The following PARD3B variants were observed in gnomAD, a reference collection of about 807,000 sequenced individuals.
PARD3B encodes the protein partitioning defective 3 homolog B.
Under a neutral mutation model 130.2 loss-of-function variants are expected in PARD3B, and 103 were observed. That is an observed-to-expected ratio of 0.79 (90% CI 0.67 to 0.93). The LOEUF (loss-of-function observed/expected upper bound fraction) is 0.93, where lower values mean the gene tolerates loss of function less well. PARD3B is among the 40% of genes least tolerant of loss of function. The probability of loss-of-function intolerance (pLI) is 0.00; values close to 1 mark genes in which losing one functional copy is unlikely to be tolerated. For synonymous variants in PARD3B, 583 were observed against 553.2 expected (o/e 1.05, Z -0.76); for missense variants, 1,609 against 1,499.2 (o/e 1.07, Z -1.21).
intron 10 of PARD3B, among the ~76,000 whole-genome samples, chr2:205,133,737 A>C (rs1032593674): frequency 5.3e-5 from 8 of 152,192 alleles, no homozygotes; most frequent in Non-Finnish European, 1.2e-4. Context: ...GCCAGTGCTG[A>C]GTGCAATGCA....
In PARD3B at chr2:204,610,492, A is replaced by G. The variant is rs1055626630; in HGVS notation, c.120+64373A>G. On this transcript the variant is annotated intron_variant, in intron 1 of 22. Coordinates refer to ENST00000406610, the MANE Select transcript of PARD3B (RefSeq NM_001302769.2). The surrounding 1 kb of genome is among the most constrained non-coding windows in gnomAD (Gnocchi z 4.1). ...TGCGTCAGCCTCCCGAGTGGCTGGG[A>G]TTACAGATGCACACCACCATGCCCA... is the stretch of plus-strand genomic sequence containing the variant. Among the ~76,000 whole-genome samples, 11 of 152,200 alleles carry G rather than the reference A, an allele frequency of 7.2e-5. No individual in the cohort carries two copies. Among genetic ancestry groups the G allele is most frequent in the African/African-American group, 2.6e-4 (11 of 41,522 alleles).
intron 1 of PARD3B, among the ~76,000 whole-genome samples, chr2:204,625,318 A>G (rs2034450777): frequency 2.6e-5 from 4 of 151,956 alleles, no homozygotes; most frequent in Admixed American, 1.3e-4. Context: ...AGTGCCATCT[A>G]CTGAAGCTTG....
intron 2 of PARD3B, among the ~76,000 whole-genome samples, chr2:204,715,475 G>C (rs920573332): frequency 1.3e-5 from 2 of 150,294 alleles, no homozygotes; most frequent in African/African-American, 4.9e-5. Context: ...TAAAGCAGAT[G>C]CTGTTTTTCT....
chr2:205,507,943 A>C (rs1390521241), intron 21 of PARD3B, among the ~76,000 whole-genome samples: 1 of 152,202 alleles, frequency 6.6e-6, no homozygotes, highest in Non-Finnish European at 1.5e-5. Context: ...ATTCATGAGA[A>C]ATTATCAGAC....
chr2:204,699,851 G>A (rs1205772626), intron 2 of PARD3B, among the ~76,000 whole-genome samples: 1 of 152,094 alleles, frequency 6.6e-6, no homozygotes, highest in Non-Finnish European at 1.5e-5. Flanking sequence ...GCATTTAACA[G>A]AGACCAATCT....
At chr2:205,008,402 T>A (rs948733435) in intron 3 of PARD3B, among the ~76,000 whole-genome samples, 1 of 152,142 alleles carries the variant, frequency 6.6e-6, no homozygotes, top group African/African-American at 2.4e-5. Context: ...AGTGATGAAT[T>A]TCCCTTCTGT....
intron 20 of PARD3B, among the ~76,000 whole-genome samples, chr2:205,493,681 TAA>T (rs2049809354): frequency 6.6e-6 from 1 of 152,010 alleles, no homozygotes; most frequent in Admixed American, 6.6e-5. Flanking sequence ...ATATTCCTGT[TAA>T]AGTTACAGGC....
Position 205,105,681 on chromosome 2 carries a change from A to G in PARD3B, c.593+1167A>G, listed in dbSNP as rs2125578881. Among the ~76,000 whole-genome samples, 1 of 152,042 alleles carries G rather than the reference A, an allele frequency of 6.6e-6. No individual in the cohort carries two copies. ...AAACTAGGCTAGGTGGTGCCTGCCTATCATCCCAGCTACTTGAGAGGCTGA... is the reference window on the plus strand; with the variant it reads ...AAACTAGGCTAGGTGGTGCCTGCCTGTCATCCCAGCTACTTGAGAGGCTGA... On this transcript the variant is annotated intron_variant, in intron 5 of 22. Coordinates refer to ENST00000406610, the MANE Select transcript of PARD3B (RefSeq NM_001302769.2). The surrounding 1 kb of genome is among the most constrained non-coding windows in gnomAD (Gnocchi z 4.0).
chr2:205,442,628 T>C (rs2047760306), intron 20 of PARD3B, among the ~76,000 whole-genome samples: 1 of 152,114 alleles, frequency 6.6e-6, no homozygotes, highest in Admixed American at 6.6e-5. Flanking sequence ...TGCAGTCTTT[T>C]TATGCCTAAT....
chr2:204,564,502 G>A (rs1012941179), intron 1 of PARD3B, among the ~76,000 whole-genome samples: 65 of 151,742 alleles, frequency 4.3e-4, no homozygotes, highest in African/African-American at 1.5e-3. Context: ...TTTCATGTGC[G>A]TTATATCTAT....
chr2:205,487,705 G>A (rs1193243293), intron 20 of PARD3B, among the ~76,000 whole-genome samples: 5 of 152,160 alleles, frequency 3.3e-5, no homozygotes, highest in Non-Finnish European at 7.3e-5. Flanking sequence ...AATTCCCAAG[G>A]TTTCATGGCC....
chr2:205,518,175 G>C lies in PARD3B; in HGVS notation c.3180+18144G>C, dbSNP rs11903953. On this transcript the variant is annotated intron_variant, in intron 21 of 22. Coordinates refer to ENST00000406610, the MANE Select transcript of PARD3B (RefSeq NM_001302769.2). ...CCTCGATGATCTAATAATGTCAGTG[G>C]AGTGTAGGAGTCTCCTACTATTATT... Among the ~76,000 whole-genome samples the C allele has an allele frequency of 2.7e-3, 405 of 152,264 alleles. 7 individuals are homozygous for C. The highest frequency in any genetic ancestry group is 9.3e-3 in the African/African-American group (387 of 41,544).
chr2:205,500,962 A>T (rs1164428162), intron 21 of PARD3B, among the ~76,000 whole-genome samples: 1 of 152,004 alleles, frequency 6.6e-6, no homozygotes, highest in Non-Finnish European at 1.5e-5. Flanking sequence ...CATGAAAGAC[A>T]CCGGCTCCTT....
intron 2 of PARD3B, among the ~76,000 whole-genome samples, chr2:204,702,838 T>C (rs895313894): frequency 7.2e-5 from 11 of 152,044 alleles, no homozygotes; most frequent in African/African-American, 2.7e-4. Flanking sequence ...GGCCTCCCAA[T>C]GTGTTAGGAT....
At chr2:205,062,715 TAAGAA>T (rs1484012821) in intron 4 of PARD3B, among the ~76,000 whole-genome samples, 1 of 152,138 alleles carries the variant, frequency 6.6e-6, no homozygotes, top group African/African-American at 2.4e-5. Flanking sequence ...AGAGAGAAAT[TAAGAA>T]AAGAATAAAA....
intron 2 of PARD3B, among the ~76,000 whole-genome samples, chr2:204,954,732 G>A (rs1376640731): frequency 6.6e-6 from 1 of 152,200 alleles, no homozygotes; most frequent in African/African-American, 2.4e-5. Flanking sequence ...GCTCCGGCCA[G>A]CACTGACCTA....
intron 2 of PARD3B, among the ~76,000 whole-genome samples, chr2:204,948,378 A>G (rs754535117): frequency 8.5e-5 from 13 of 152,238 alleles, no homozygotes; most frequent in Non-Finnish European, 1.8e-4. Context: ...CCCATAAGCT[A>G]GAAGCAAGAC....
chr2:205,530,198 T>G lies in PARD3B; in HGVS notation c.3181-23126T>G, dbSNP rs1207388689. On this transcript the variant is annotated intron_variant, in intron 21 of 22. Coordinates refer to ENST00000406610, the MANE Select transcript of PARD3B (RefSeq NM_001302769.2). The surrounding 1 kb of genome is among the most constrained non-coding windows in gnomAD (Gnocchi z 4.7). ...TCGTGAAATAGTAAACCAAAAGTTC[T>G]CTCCGCCACATTTATGTTTCTAGTG... Among the ~76,000 whole-genome samples, 1 of 152,176 alleles carries G rather than the reference T, an allele frequency of 6.6e-6. No homozygotes were observed. The highest frequency in any genetic ancestry group is 1.9e-4 in the East Asian group (1 of 5,190).
intron 10 of PARD3B, among the ~76,000 whole-genome samples, chr2:205,153,743 A>G (rs1443815273): frequency 6.6e-6 from 1 of 152,208 alleles, no homozygotes; most frequent in Non-Finnish European, 1.5e-5. Flanking sequence ...ATAATACCAT[A>G]CATCCGTAAC....
Sources: gnomAD v4.1 joint callset for allele counts (sites outside exome capture counted in the v4.1 genomes callset) on GRCh38, gnomAD v4.1.1 for gene constraint, Gnocchi (gnomAD v3.1) non-coding constraint, MANE v1.5 for transcripts, NCBI Gene and HGNC (gene_info 2026-07-23, HGNC 2026-07-21) for gene names.